The following ZNF326 variants were observed in gnomAD, a reference collection of about 807,000 sequenced individuals.
ZNF326 encodes DBIRD complex subunit ZNF326.
Under a neutral mutation model 63.1 loss-of-function variants are expected in ZNF326, and 30 were observed. The ratio of observed to expected loss-of-function variants is 0.48; its 90% confidence interval spans 0.36 to 0.64. ZNF326 has a LOEUF of 0.64. ZNF326 is among the 30% of genes least tolerant of loss of function. The pLI, the probability that ZNF326 is intolerant of heterozygous loss-of-function variation, is 0.00. For synonymous variants in ZNF326, 194 were observed against 228.2 expected, an observed-to-expected ratio of 0.85 and a Z score of 1.35; for missense variants, 609 against 720.3, an observed-to-expected ratio of 0.85 and a Z score of 1.77.
At chr1:90,019,081 A>G (rs970557639) in intron 9 of ZNF326, among the ~76,000 whole-genome samples, 2 of 152,178 alleles carry the variant, frequency 1.3e-5, no homozygotes, top group African/African-American at 4.8e-5. Context: ...AATTCAAGTT[A>G]TGAAATCTTC....
At chr1:90,000,559 G>C (rs1396134385) in intron 2 of ZNF326, among the ~76,000 whole-genome samples, 1 of 152,112 alleles carries the variant, frequency 6.6e-6, no homozygotes, top group East Asian at 1.9e-4. Flanking sequence ...AAAAACATTA[G>C]CCAGGCGTGG....
intron 5 of ZNF326, among the ~76,000 whole-genome samples, chr1:90,008,778 T>C (rs927602955): frequency 5.3e-5 from 8 of 152,186 alleles, no homozygotes; most frequent in African/African-American, 1.9e-4. Context: ...TATACTTGTG[T>C]AGAAATTTTG....
chr1:90,002,187 C>T (rs1455956447), intron 2 of ZNF326, among the ~76,000 whole-genome samples: 3 of 152,094 alleles, frequency 2.0e-5, no homozygotes, highest in Admixed American at 1.3e-4. Flanking sequence ...AAAGACTTTT[C>T]CTCCTGTTTA....
At chr1:90,011,515 A>AG (rs1219313920) in intron 6 of ZNF326, among the ~76,000 whole-genome samples, 1 of 102,082 alleles carries the variant, frequency 9.8e-6, no homozygotes, top group African/African-American at 3.8e-5. Flanking sequence ...CAAATAGTTA[A>AG]GTTTTTTTTT....
intron 8 of ZNF326, among the ~76,000 whole-genome samples, chr1:90,018,400 C>G (rs1649602439): frequency 6.6e-6 from 1 of 152,034 alleles, no homozygotes; most frequent in Admixed American, 6.6e-5. Flanking sequence ...TTCTGTGTGT[C>G]CTTTATAACT....
In ZNF326 at chr1:90,033,086, A is replaced by T. The variant is rs149072742; in HGVS notation, c.*5385A>T. 1 of 152,156 alleles carries T rather than the reference A, an allele frequency of 6.6e-6. No individual in the cohort carries two copies. Among genetic ancestry groups the T allele is most frequent in the African/African-American group, 2.4e-5 (1 of 41,428 alleles). The allele number at this position is 152,156 out of a possible 1,614,324, so 9.4% of individuals were successfully genotyped here. On this transcript the variant is annotated 3_prime_UTR_variant, in exon 12 of 12. Coordinates refer to ENST00000340281, the MANE Select transcript of ZNF326 (RefSeq NM_182976.4). ...CAATCTTCAGGGAATTTTTCACTCA[A>T]GCCCAGAAAATAAACTCCAGATAAT...
In ZNF326 at chr1:90,017,348, C is replaced by A. The variant is rs1175498087; in HGVS notation, c.958C>A (p.Arg320=). The part of the protein sequence containing the change: ...MAFTCSFCKF[R]TFEEKDIELH... ...ATTTACATGTTCATTTTGTAAATTT[C>A]GAACATTTGAAGAAAAAGATATTGA... Residue 320 remains arginine (R), a synonymous_variant, in exon 8 of 12, where the codon CGA becomes AGA. Transcript: ENST00000340281. The A allele has an allele frequency of 6.2e-7, 1 of 1,600,556 alleles. No individual in the cohort carries two copies. Among genetic ancestry groups the A allele is most frequent in the South Asian group, 1.1e-5 (1 of 87,284 alleles).
At chr1:90,025,060 T>C (rs1649948793) in intron 11 of ZNF326, among the ~76,000 whole-genome samples, 1 of 149,156 alleles carries the variant, frequency 6.7e-6, no homozygotes, top group African/African-American at 2.5e-5. Flanking sequence ...TAACTTTTCC[T>C]AGACTTTGGC....
At chr1:90,023,858 GA>G (rs1483481645) in intron 11 of ZNF326, among the ~76,000 whole-genome samples, 1 of 152,152 alleles carries the variant, frequency 6.6e-6, no homozygotes, top group African/African-American at 2.4e-5. Flanking sequence ...CCTGAACTGA[GA>G]ACTCCTCTAG....
rs1650378882 is a variant in ZNF326 at position 90,033,826 on chromosome 1, G to A, written c.*6125G>A. ...TAGAGAATTCACCATTGAATACCCT[G>A]CATATATCACAGTGCCAGGTAAATA... On this transcript the variant is annotated 3_prime_UTR_variant, in exon 12 of 12. Transcript: ENST00000340281. The A allele has an allele frequency of 6.6e-6, 1 of 151,930 alleles. No homozygotes were observed. The allele number at this position is 151,930 out of a possible 1,614,324, so 9.4% of individuals were successfully genotyped here. A position where few individuals can be genotyped will look rare whatever the true frequency, so the allele number is the denominator to read the frequency against.
At chr1:90,027,050 T>G (rs1650043212) in intron 11 of ZNF326, among the ~76,000 whole-genome samples, 1 of 131,388 alleles carries the variant, frequency 7.6e-6, no homozygotes, top group African/African-American at 2.9e-5. Context: ...ACACTTGTCT[T>G]TGTCATGTGT....
In ZNF326 at chr1:90,010,309, T is replaced by C. The variant is rs781597964; in HGVS notation, c.814+23T>C. On this transcript the variant is annotated intron_variant, in intron 6 of 11. Coordinates refer to ENST00000340281, the MANE Select transcript of ZNF326 (RefSeq NM_182976.4). ...CCAGTAAGTAAGAAAACATAATTGC[T>C]ATGATTCAGGATACTTTTTATTTTT... The C allele has an allele frequency of 9.3e-6, 15 of 1,606,232 alleles. No homozygotes were observed. The South Asian group carries it at 1.7e-4, about 18-fold the overall frequency.
chr1:90,015,584 G>A (rs906250596), intron 7 of ZNF326, among the ~76,000 whole-genome samples: 7 of 152,192 alleles, frequency 4.6e-5, no homozygotes, highest in African/African-American at 9.6e-5. Flanking sequence ...GGAGGCTGAG[G>A]TAGGAGGATA....
At chr1:90,010,330 T>C (rs985895372) in intron 6 of ZNF326, 44 bp downstream of exon 6, 1 of 1,572,822 alleles carries the variant, frequency 6.4e-7, no homozygotes, top group Non-Finnish European at 8.6e-7. Flanking sequence ...ATACTTTTTA[T>C]TTTTTAAAAT....
chr1:90,026,381 A>C (rs536387775), intron 11 of ZNF326, among the ~76,000 whole-genome samples: 1 of 152,076 alleles, frequency 6.6e-6, no homozygotes, highest in Non-Finnish European at 1.5e-5. Flanking sequence ...CCCTGGCTTC[A>C]CCAATGCACT....
chr1:90,009,136 A>G (rs886816874), intron 5 of ZNF326, among the ~76,000 whole-genome samples: 1 of 152,184 alleles, frequency 6.6e-6, no homozygotes, highest in Non-Finnish European at 1.5e-5. Flanking sequence ...TTTCGTTTTC[A>G]TAATAAACAA....
intron 11 of ZNF326, among the ~76,000 whole-genome samples, chr1:90,024,479 A>G (rs1364716816): frequency 2.6e-5 from 4 of 152,126 alleles, no homozygotes; most frequent in Admixed American, 1.3e-4. Flanking sequence ...TGTGTTTCCC[A>G]GATTTTCACT....
At chr1:90,003,255 C>T (rs1023612902) in intron 2 of ZNF326, among the ~76,000 whole-genome samples, 6 of 151,866 alleles carry the variant, frequency 4.0e-5, no homozygotes, top group Non-Finnish European at 8.8e-5. Flanking sequence ...CTCAGCCTGC[C>T]GAGTAGCTGG....
chr1:90,005,505 T>TA, intron 4 of ZNF326: 8 of 1,097,698 alleles, frequency 7.3e-6, no homozygotes, highest in Non-Finnish European at 8.9e-6. Flanking sequence ...AGTGAACTTT[T>TA]AAAAAATTCT....
Sources: allele counts gnomAD v4.1 joint callset (sites outside exome capture counted in the v4.1 genomes callset), GRCh38; gene constraint gnomAD v4.1.1; transcripts MANE v1.5; gene names NCBI Gene and HGNC (gene_info 2026-07-23, HGNC 2026-07-21).